SLC38A9: variants seen among roughly 807,000 people sequenced by gnomAD.
The protein encoded by SLC38A9 is neutral amino acid transporter 9.
A neutral mutation model predicts 62.3 loss-of-function variants in SLC38A9; 48 were observed. The observed-to-expected ratio is 0.77, with a 90% CI of 0.61 to 0.98. The LOEUF (loss-of-function observed/expected upper bound fraction) is 0.98, where lower values mean the gene tolerates loss of function less well. Among genes scored for constraint, SLC38A9 ranks in the 50% least tolerant of loss-of-function variants. SLC38A9 has a pLI of 0.00. For missense variants in SLC38A9, 541 were observed against 679.8 expected, an observed-to-expected ratio of 0.80 and a Z score of 2.27; for synonymous variants, 204 against 227.7, an observed-to-expected ratio of 0.90 and a Z score of 0.94.
In SLC38A9 at chr5:55,643,676, G is replaced by A. The variant is rs376758788; in HGVS notation, c.1167+2113C>T. Among the ~76,000 whole-genome samples the A allele has an allele frequency of 3.0e-4, 45 of 152,156 alleles. No individual in the cohort carries two copies. The South Asian group carries it at 8.3e-3, about 28-fold the overall frequency. On this transcript the variant is annotated intron_variant, in intron 12 of 15. Coordinates refer to ENST00000396865, the MANE Select transcript of SLC38A9 (RefSeq NM_173514.4). ...TTTGTCTACTTCTCTTTTCAGTTTT[G>A]CAATTGTTAATTCATTTATTTTGAA...
intron 3 of SLC38A9, chr5:55,672,920 T>C: frequency 2.4e-6 from 1 of 412,800 alleles, no homozygotes; most frequent in Non-Finnish European, 4.2e-6. Context: ...CACACTTTTT[T>C]TGTAATCTTC....
chr5:55,699,180 A>G (rs71592656), intron 2 of SLC38A9, among the ~76,000 whole-genome samples: 5,900 of 152,212 alleles, frequency 0.039, 176 homozygotes, highest in Non-Finnish European at 0.06. Flanking sequence ...GCTTGAACCC[A>G]GGAGGTGGAG....
rs551629300 is a variant in SLC38A9 at position 55,647,808 on chromosome 5, T to C, written c.1060+1399A>G. ...CCTGAGATTCTTTTTAATAGCACTA[T>C]TGAAATAAAATTCATGTTTCACCTA... On this transcript the variant is annotated intron_variant, in intron 11 of 15. Coordinates refer to ENST00000396865, the MANE Select transcript of SLC38A9 (RefSeq NM_173514.4). Among the ~76,000 whole-genome samples, 4 of 152,360 alleles carry C rather than the reference T, an allele frequency of 2.6e-5. No homozygotes were observed. The South Asian group carries it at 8.3e-4, about 32-fold the overall frequency.
chr5:55,697,223 G>T (rs1756002928), intron 3 of SLC38A9: 2 of 154,056 alleles, frequency 1.3e-5, no homozygotes, highest in African/African-American at 2.4e-5. Context: ...CTGGGAGGTG[G>T]AGGTTGTAGC....
chr5:55,633,973 C>T (rs1263788936), intron 13 of SLC38A9, 71 bp from the exon 14 acceptor site: 1 of 1,221,266 alleles, frequency 8.2e-7, no homozygotes, highest in Admixed American at 2.1e-5. Flanking sequence ...AATGGAATGT[C>T]TTCTGCTTAT....
intron 2 of SLC38A9, among the ~76,000 whole-genome samples, chr5:55,710,348 G>A (rs993367686): frequency 2.0e-5 from 3 of 151,018 alleles, no homozygotes; most frequent in South Asian, 4.2e-4. Context: ...GATTACAGAT[G>A]AGACGCATAC....
At chr5:55,638,949 A>G (rs1332283952) in intron 12 of SLC38A9, among the ~76,000 whole-genome samples, 1 of 152,212 alleles carries the variant, frequency 6.6e-6, no homozygotes, top group East Asian at 1.9e-4. Flanking sequence ...TATAGGGACT[A>G]CATATTCTGG....
In SLC38A9 at chr5:55,635,645, A is replaced by G. The variant is rs142135949; in HGVS notation, c.1180T>C (p.Cys394Arg). Residue 394 changes from cysteine (C) to arginine (R), a missense_variant, in exon 13 of 16, where the codon TGC becomes CGC. Coordinates refer to ENST00000396865, the MANE Select transcript of SLC38A9 (RefSeq NM_173514.4). ...AATGTCACCAGCATATAAGCAATGC[A>G]CAAGTCCCTCACCTGTAAATACAGA... ...KKQENNVRDL[C>R]IAYMLVTLTY... The G allele has an allele frequency of 2.6e-5, 42 of 1,612,746 alleles. No individual in the cohort carries two copies. In the African/African-American group the frequency reaches 5.5e-4, roughly 21 times the overall value.
chr5:55,627,885 C>A lies in SLC38A9; in HGVS notation c.1520+6G>T. ...GTAAGGGCACCATTCCCTTACAAGG[C>A]AGTACCTTATGATCCCTCCTATGTT... On this transcript the variant is annotated splice_donor_region_variant and intron_variant, in intron 15 of 15. Coordinates refer to ENST00000396865, the MANE Select transcript of SLC38A9 (RefSeq NM_173514.4). The A allele has an allele frequency of 6.3e-7, 1 of 1,577,542 alleles. No homozygotes were observed. Among genetic ancestry groups the A allele is most frequent in the East Asian group, 2.2e-5 (1 of 44,680 alleles).
chr5:55,697,526 C>T (rs1256035071), intron 3 of SLC38A9, among the ~76,000 whole-genome samples: 1 of 151,988 alleles, frequency 6.6e-6, no homozygotes, highest in Non-Finnish European at 1.5e-5. Context: ...TCTTCTACCT[C>T]GAGCACTTAG....
At chr5:55,684,726 T>C (rs1391259507) in intron 3 of SLC38A9, among the ~76,000 whole-genome samples, 1 of 152,200 alleles carries the variant, frequency 6.6e-6, no homozygotes. Flanking sequence ...CAATCTCAGC[T>C]CACTGCAGTC....
intron 2 of SLC38A9, among the ~76,000 whole-genome samples, chr5:55,707,763 A>T (rs893706061): frequency 3.3e-5 from 5 of 152,212 alleles, no homozygotes; most frequent in African/African-American, 1.2e-4. Context: ...TCCAAAATTC[A>T]TATGTTGAAA....
rs1347377846 is a variant in SLC38A9, at chr5:55,633,718, T to C, written c.1430+36A>G. ...ACCTGCTTGCACAGTCATTTGTTGC[T>C]TGGCACATCCTGCTGGTCAAGAGAA... On this transcript the variant is annotated intron_variant, in intron 14 of 15. Coordinates refer to ENST00000396865, the MANE Select transcript of SLC38A9 (RefSeq NM_173514.4). 3 of 1,613,770 alleles carry C rather than the reference T, an allele frequency of 1.9e-6. No homozygotes were observed. The East Asian group carries it at 6.7e-5, about 36-fold the overall frequency.
In SLC38A9 at chr5:55,701,745, C is replaced by A. The variant is rs1197682865; in HGVS notation, c.-34-3753G>T. Among the ~76,000 whole-genome samples, 4 of 152,168 alleles carry A rather than the reference C, an allele frequency of 2.6e-5. No homozygotes were observed. The East Asian group carries it at 5.8e-4, about 22-fold the overall frequency. ...ATAAATAGGTTTTAACATGTAAAAG[C>A]AAGGGATGTAGCTTTATTACTTACC... On this transcript the variant is annotated intron_variant, in intron 2 of 15. Coordinates refer to ENST00000396865, the MANE Select transcript of SLC38A9 (RefSeq NM_173514.4).
chr5:55,691,751 C>A (rs1042439537), intron 3 of SLC38A9, among the ~76,000 whole-genome samples: 1 of 152,180 alleles, frequency 6.6e-6, no homozygotes, highest in Non-Finnish European at 1.5e-5. Context: ...TGTCCCTCCA[C>A]TCACATTCCT....
intron 4 of SLC38A9, among the ~76,000 whole-genome samples, chr5:55,670,528 A>C (rs1751135048): frequency 6.6e-6 from 1 of 152,242 alleles, no homozygotes; most frequent in African/African-American, 2.4e-5. Context: ...TGGGATTTTC[A>C]GAAAACGAGT....
intron 3 of SLC38A9, among the ~76,000 whole-genome samples, chr5:55,689,222 A>G (rs1754388646): frequency 6.6e-6 from 1 of 152,234 alleles, no homozygotes; most frequent in African/African-American, 2.4e-5. Flanking sequence ...AACAATTCCC[A>G]ATATGATTTT....
intron 11 of SLC38A9, among the ~76,000 whole-genome samples, chr5:55,646,556 G>A (rs1246268541): frequency 6.6e-6 from 1 of 152,058 alleles, no homozygotes; most frequent in Non-Finnish European, 1.5e-5. Flanking sequence ...AGGGCAAACT[G>A]GTCATTTAAC....
chr5:55,629,507 T>C (rs1310707686), intron 14 of SLC38A9, among the ~76,000 whole-genome samples: 1 of 152,200 alleles, frequency 6.6e-6, no homozygotes, highest in African/African-American at 2.4e-5. Flanking sequence ...TGTGATCAAA[T>C]AGGAAAGTCA....
Sources: allele counts gnomAD v4.1 joint callset (sites outside exome capture counted in the v4.1 genomes callset), GRCh38; gene constraint gnomAD v4.1.1; transcripts MANE v1.5; gene names NCBI Gene and HGNC (gene_info 2026-07-23, HGNC 2026-07-21).